AP5Z1: variants seen among roughly 807,000 people sequenced by gnomAD.
AP5Z1 encodes AP-5 complex subunit zeta-1.
AP5Z1 carries 106 observed loss-of-function variants against 83.0 expected under a neutral mutation model. The ratio of observed to expected loss-of-function variants is 1.28; its 90% CI spans 1.09 to 1.50. The LOEUF is 1.50. Among genes scored for constraint, AP5Z1 ranks in the 40% most tolerant of loss-of-function variants. The pLI is 0.00. For synonymous variants in AP5Z1, 751 were observed against 514.1 expected (o/e 1.46, Z -6.23); for missense variants, 1,565 against 1,094.2 (o/e 1.43, Z -6.07).
At chr7:4,778,721 ATG>A (rs987683841) in intron 1 of AP5Z1, among the ~76,000 whole-genome samples, 1 of 148,114 alleles carries the variant, frequency 6.8e-6, no homozygotes, top group Non-Finnish European at 1.5e-5. Flanking sequence ...ATATATGTAT[ATG>A]TGTGTATATA....
Position 4,785,044 on chromosome 7 carries a change from C to T in AP5Z1, c.927C>T (p.Asn309=), listed in dbSNP as rs960871170. Residue 309 remains asparagine, a synonymous_variant, in exon 7 of 17, where the codon AAC becomes AAT. Coordinates refer to ENST00000649063, the MANE Select transcript of AP5Z1 (RefSeq NM_014855.3). ...GCCAGCGCCTCATTGAGCAAAGTAA[C>T]CGACGTGAGTCCCCCACCCAGGGCA... is the stretch of plus-strand genomic sequence containing the variant. ...EYCQRLIEQS[N]RRALRKGDSD... 4.1e-5 allele frequency: 66 copies of T among 1,597,658 alleles called. No homozygotes were observed. Among genetic ancestry groups the T allele is most frequent in the Non-Finnish European group, 5.3e-5 (62 of 1,169,378 alleles).
chr7:4,776,414 T>G (rs2115094077), intron 1 of AP5Z1, among the ~76,000 whole-genome samples: 1 of 152,036 alleles, frequency 6.6e-6, no homozygotes, highest in East Asian at 1.9e-4. Context: ...TCATACTACA[T>G]GTTTAAAAGA....
chr7:4,778,436 G>A (rs571729191), intron 1 of AP5Z1, among the ~76,000 whole-genome samples: 20 of 152,116 alleles, frequency 1.3e-4, no homozygotes, highest in Non-Finnish European at 2.5e-4. Flanking sequence ...CCACTAGCTC[G>A]GGAGCTAGTG....
intron 16 of AP5Z1, 35 bp from the exon 17 acceptor site, chr7:4,791,080 C>T (rs774783307): frequency 2.0e-6 from 3 of 1,533,044 alleles, no homozygotes; most frequent in Non-Finnish European, 2.6e-6. Flanking sequence ...GGGAGGGGAG[C>T]ATCTGCAGCT....
Position 4,791,707 on chromosome 7 carries a change from C to CAGTT in AP5Z1, c.*323_*326dup, listed in dbSNP as rs1359666567. ...TGTTTCCTAGTCTTTTGTTTTTGGACAGTTGATGGGCAAGAAGAGCTGCAG... is the reference window on the plus strand; with the variant it reads ...TGTTTCCTAGTCTTTTGTTTTTGGACAGTTAGTTGATGGGCAAGAAGAGCTGCAG... On this transcript the variant is annotated 3_prime_UTR_variant, in exon 17 of 17. Transcript: ENST00000649063. The CAGTT allele has an allele frequency of 4.6e-6, 2 of 433,422 alleles. No individual in the cohort carries two copies. Among genetic ancestry groups the CAGTT allele is most frequent in the African/African-American group, 4.0e-5 (2 of 50,558 alleles). The allele number at this position is 433,422 out of a possible 1,614,324, so 26.8% of individuals were successfully genotyped here.
At chr7:4,786,772 CT>C (rs912609549) in intron 10 of AP5Z1, among the ~76,000 whole-genome samples, 1,503 of 149,596 alleles carry the variant, frequency 0.01, 28 homozygotes, top group African/African-American at 0.035. Context: ...TGCCATTTGC[CT>C]TTTTTTTTTC....
rs199942388 is a variant in AP5Z1 at position 4,783,410 on chromosome 7, T to A, written c.461T>A (p.Leu154His). ...QPEGPSLRHL[L>H]PVMAKVVVLS... is the part of the protein sequence containing the mutation. The stretch of plus-strand genomic sequence containing the variant: ...GAGGGACCCAGCCTCAGACACCTCC[T>A]CCCCGTCATGGCCAAGGTCGTGGTC... The change falls in exon 4 of 17, where the codon CTC (leucine) becomes CAC (histidine). Residue 154 changes from leucine to histidine, a missense_variant. Physicochemically the swap from Leu to His is moderately conservative, Grantham distance 99. Coordinates refer to ENST00000649063, the MANE Select transcript of AP5Z1 (RefSeq NM_014855.3). 6.2e-7 allele frequency: 1 copy of A among 1,612,912 alleles called. No individual in the cohort carries two copies. Among genetic ancestry groups the A allele is most frequent in the Non-Finnish European group, 8.5e-7 (1 of 1,179,746 alleles).
chr7:4,790,374 C>T, intron 14 of AP5Z1, 85 bp from the exon 15 acceptor site: 1 of 1,598,596 alleles, frequency 6.3e-7, no homozygotes, highest in Non-Finnish European at 8.5e-7. Flanking sequence ...TCAGACGCTT[C>T]CCGGGTTTCT....
intron 6 of AP5Z1, 123 bp from the exon 7 acceptor site, chr7:4,784,785 G>A (rs955130487): frequency 3.7e-5 from 49 of 1,324,408 alleles, no homozygotes; most frequent in Non-Finnish European, 4.6e-5. Flanking sequence ...AGACGGTGAC[G>A]CCTCACGCCT....
Position 4,786,351 on chromosome 7 carries a change from C to T in AP5Z1, c.1234C>T (p.Gln412Ter). Residue 412 changes from glutamine (Q) to a stop codon, truncating the protein, a stop_gained, in exon 10 of 17, where the codon CAG becomes TAG. Coordinates refer to ENST00000649063, the MANE Select transcript of AP5Z1 (RefSeq NM_014855.3). LOFTEE classifies it high-confidence loss of function. ...CCCCATGCTGGCCTTTGAATTCATC[C>T]AGTTCTGCAGGGACAACCTCCACCT... ...HSPMLAFEFI[Q>*]FCRDNLHLFS... 1 of 1,613,938 alleles carries T rather than the reference C, an allele frequency of 6.2e-7. No homozygotes were observed. Among genetic ancestry groups the T allele is most frequent in the Non-Finnish European group, 8.5e-7 (1 of 1,179,858 alleles).
intron 6 of AP5Z1, 100 bp from the exon 7 acceptor site, chr7:4,784,808 T>G: frequency 6.9e-7 from 1 of 1,442,518 alleles, no homozygotes; most frequent in African/African-American, 1.4e-5. Flanking sequence ...CGGGAGGGGC[T>G]GCGGCCTGTG....
Position 4,784,995 on chromosome 7 carries a change from T to C in AP5Z1, c.878T>C (p.Leu293Pro). The C allele has an allele frequency of 6.2e-7, 1 of 1,611,758 alleles. No individual in the cohort carries two copies. The highest frequency in any genetic ancestry group is 8.5e-7 in the Non-Finnish European group (1 of 1,179,388). The change falls in exon 7 of 17, where the codon CTT (leucine) becomes CCT (proline). Residue 293 changes from leucine to proline, a missense_variant. Physicochemically the swap from Leu to Pro is moderately conservative, Grantham distance 98. Transcript: ENST00000649063. Reference sequence around the variant, plus strand: ...CGCCTGCTGCCGCCCCGGGAGCGGCTTCGGGAGGTGGCCTTCGAGTACTGC... The same window carrying C: ...CGCCTGCTGCCGCCCCGGGAGCGGCCTCGGGAGGTGGCCTTCGAGTACTGC... Reference protein sequence around the residue: ...AGRLLPPRERLREVAFEYCQR... With the variant: ...AGRLLPPRERPREVAFEYCQR...
At position 4,789,873 on chromosome 7, in the gene AP5Z1, C is replaced by A. The variant is rs767273315; in HGVS notation, c.1749C>A (p.Leu583=). ...GSLINQLALL[L]LGRSDSLYPA... is the part of the protein sequence containing the mutation. ...TGATCAACCAGCTGGCGCTGCTGCTCCTGGGCAGGAGCGACTCGCTCTACC... is the reference window on the plus strand; with the variant it reads ...TGATCAACCAGCTGGCGCTGCTGCTACTGGGCAGGAGCGACTCGCTCTACC... The change falls in exon 14 of 17, where the codon CTC becomes CTA. Residue 583 remains leucine, a synonymous_variant. Coordinates refer to ENST00000649063, the MANE Select transcript of AP5Z1 (RefSeq NM_014855.3). The A allele has an allele frequency of 9.0e-6, 14 of 1,553,150 alleles. No individual in the cohort carries two copies. The highest frequency in any genetic ancestry group is 1.1e-5 in the Non-Finnish European group (13 of 1,148,656).
At chr7:4,790,367 G>C (rs753123201) in intron 14 of AP5Z1, 92 bp from the exon 15 acceptor site, 1 of 1,588,278 alleles carries the variant, frequency 6.3e-7, no homozygotes, top group Admixed American at 1.8e-5. Context: ...CTACCACTCA[G>C]ACGCTTCCCG....
At position 4,790,689 on chromosome 7, in the gene AP5Z1, A is replaced by G. The variant is rs1219721876; in HGVS notation, c.1955A>G (p.Glu652Gly). ...LVTSVVWAIG[E>G]YLSVTYDRRC... ...CGGGCCTAGGTGTGGGCCATCGGCGAGTACCTGTCGGTGACCTACGATCGG... is the reference window on the plus strand; with the variant it reads ...CGGGCCTAGGTGTGGGCCATCGGCGGGTACCTGTCGGTGACCTACGATCGG... The change falls in exon 16 of 17, where the codon GAG (glutamate) becomes GGG (glycine). Residue 652 changes from glutamate to glycine, a missense_variant. By Grantham distance (98) the Glu-to-Gly change is moderately conservative (BLOSUM62 -2). Transcript: ENST00000649063. 1.2e-6 allele frequency: 2 copies of G among 1,611,878 alleles called. No individual in the cohort carries two copies. The highest frequency in any genetic ancestry group is 1.7e-5 in the Admixed American group (1 of 59,914).
chr7:4,783,752 G>T lies in AP5Z1; in HGVS notation c.575G>T (p.Gly192Val). 1 of 1,550,868 alleles carries T rather than the reference G, an allele frequency of 6.4e-7. No homozygotes were observed. Among genetic ancestry groups the T allele is most frequent in the Non-Finnish European group, 8.7e-7 (1 of 1,147,256 alleles). Residue 192 changes from glycine (G) to valine (V), a missense_variant, in exon 5 of 17, where the codon GGG (glycine) becomes GTG (valine). Gly to Val is a moderately radical substitution (Grantham distance 109). Transcript: ENST00000649063. Reference protein sequence around the residue: ...DWLRYASLQQGLPHSGGFFST... With the variant: ...DWLRYASLQQVLPHSGGFFST... ...CTGCGCTACGCCAGCCTCCAGCAAG[G>T]GCTCCCACACTCCGGCGGCTTCTTC...
rs1446951283 is a variant in AP5Z1 at position 4,792,306 on chromosome 7, T to TC, written c.*926dup. ...CGCCCCGCCCCCAGGCTCAAACTCT[T>TC]CCCCCTCCCCACTCTGGCTCCGCCC... On this transcript the variant is annotated 3_prime_UTR_variant, in exon 17 of 17. Transcript: ENST00000649063. 2 of 132,542 alleles carry TC rather than the reference T, an allele frequency of 1.5e-5. No homozygotes were observed. Among genetic ancestry groups the TC allele is most frequent in the Admixed American group, 7.2e-5 (1 of 13,830 alleles). The allele number at this position is 132,542 out of a possible 1,614,324, so 8.2% of individuals were successfully genotyped here.
intron 12 of AP5Z1, 200 bp downstream of exon 12, chr7:4,788,494 T>G (rs1170992303): frequency 3.0e-6 from 2 of 657,278 alleles, no homozygotes; most frequent in African/African-American, 3.7e-5. Context: ...GTCTCAGCTC[T>G]CTCTGCTGCC....
Position 4,781,717 on chromosome 7 carries a change from G to C in AP5Z1, c.329G>C (p.Arg110Pro), listed in dbSNP as rs201481802. 6.3e-7 allele frequency: 1 copy of C among 1,582,348 alleles called. No individual in the cohort carries two copies. Among genetic ancestry groups the C allele is most frequent in the South Asian group, 1.1e-5 (1 of 90,008 alleles). Residue 110 changes from arginine (R) to proline (P), a missense_variant, in exon 3 of 17, where the codon CGG (arginine) becomes CCG (proline). Physicochemically the swap from Arg to Pro is moderately radical, Grantham distance 103 (BLOSUM62 -2). Coordinates refer to ENST00000649063, the MANE Select transcript of AP5Z1 (RefSeq NM_014855.3). The part of the protein sequence containing the change: ...SLAWDHTQNS[R>P]QLSLVASVLL... ...GCCTGGGACCACACGCAGAACAGCCGGCAGCTGAGCCTGGTGGCCTCCGTT... is the reference window on the plus strand; with the variant it reads ...GCCTGGGACCACACGCAGAACAGCCCGCAGCTGAGCCTGGTGGCCTCCGTT...
Sources: gnomAD v4.1 joint callset for allele counts (sites outside exome capture counted in the v4.1 genomes callset) on GRCh38, gnomAD v4.1.1 for gene constraint, MANE v1.5 for transcripts, NCBI Gene and HGNC (gene_info 2026-07-23, HGNC 2026-07-21) for gene names.